CTBS: variants seen among roughly 807,000 people sequenced by gnomAD.
The protein encoded by CTBS is di-N-acetylchitobiase.
CTBS carries 35 observed loss-of-function variants against 44.3 expected under a neutral mutation model. The ratio of observed to expected loss-of-function variants is 0.79; its 90% CI spans 0.60 to 1.05. The LOEUF is 1.05. Among genes scored for constraint, CTBS ranks in the 50% least tolerant of loss-of-function variants. The probability of loss-of-function intolerance (pLI) is 0.00; values close to 1 mark genes in which losing one functional copy is unlikely to be tolerated. For missense variants in CTBS, 458 were observed against 475.3 expected (o/e 0.96, Z 0.34); for synonymous variants, 143 against 168.0 (o/e 0.85, Z 1.15).
chr1:84,574,000 T>C, intron 1 of CTBS: 1 of 1,390,040 alleles, frequency 7.2e-7, no homozygotes, highest in Non-Finnish European at 9.3e-7. Context: ...CAGATCTGGT[T>C]TGAACTCTCG....
intron 4 of CTBS, 108 bp from the exon 5 acceptor site, chr1:84,563,940 T>C (rs1684641957): frequency 1.6e-6 from 2 of 1,226,782 alleles, no homozygotes; most frequent in Non-Finnish European, 1.1e-6. Flanking sequence ...AGTACATTTA[T>C]AAAAAACACT....
intron 1 of CTBS, among the ~76,000 whole-genome samples, chr1:84,571,288 G>A (rs1286701082): frequency 2.0e-5 from 3 of 152,200 alleles, no homozygotes; most frequent in South Asian, 4.1e-4. Flanking sequence ...AAATTGTGGA[G>A]CAGTGGCGTT....
intron 1 of CTBS, 112 bp from the exon 2 acceptor site, chr1:84,570,832 G>T: frequency 1.9e-6 from 2 of 1,049,152 alleles, no homozygotes; most frequent in Non-Finnish European, 2.8e-6. Context: ...GGCAGTGAGA[G>T]TACAAGTGCA....
chr1:84,550,786 A>G lies in CTBS; in HGVS notation c.*4213T>C. On this transcript the variant is annotated 3_prime_UTR_variant, in exon 7 of 7. Coordinates refer to ENST00000370630, the MANE Select transcript of CTBS (RefSeq NM_004388.3). Reference sequence around the variant, plus strand: ...ACTAGGAAGAATTAAAGGAAAAGGAACCTGTGAGTCAATATATTCTCAAAA... The same window carrying G: ...ACTAGGAAGAATTAAAGGAAAAGGAGCCTGTGAGTCAATATATTCTCAAAA... 1.9e-6 allele frequency: 2 copies of G among 1,044,488 alleles called. No homozygotes were observed. Among genetic ancestry groups the G allele is most frequent in the Non-Finnish European group, 2.3e-6 (2 of 865,620 alleles). 64.7% of individuals were successfully genotyped at this position (1,044,488 alleles called of 1,614,324 possible).
chr1:84,552,064 G>A lies in CTBS; in HGVS notation c.*2935C>T, dbSNP rs1684289471. On this transcript the variant is annotated 3_prime_UTR_variant, in exon 7 of 7. Coordinates refer to ENST00000370630, the MANE Select transcript of CTBS (RefSeq NM_004388.3). ...CAAAGTTTTCAGCTTATAGGCTGGGGGGAAAAAATCCTGTATTTAACCATA... is the reference window on the plus strand; with the variant it reads ...CAAAGTTTTCAGCTTATAGGCTGGGAGGAAAAAATCCTGTATTTAACCATA... 6.6e-6 allele frequency: 1 copy of A among 152,050 alleles called. No homozygotes were observed. The highest frequency in any genetic ancestry group is 2.1e-4 in the South Asian group (1 of 4,824). The allele number at this position is 152,050 out of a possible 1,614,324, so 9.4% of individuals were successfully genotyped here. A position where few individuals can be genotyped will look rare whatever the true frequency, so the allele number is the denominator to read the frequency against.
chr1:84,563,286 C>G lies in CTBS; in HGVS notation c.928G>C (p.Asp310His), dbSNP rs3768249. 1.9e-6 allele frequency: 3 copies of G among 1,576,578 alleles called. No homozygotes were observed. In the East Asian group the frequency reaches 7.1e-5, roughly 37 times the overall value. Reference protein sequence around the residue: ...SSISGNLWDKDQRAPYYNYKD... With the variant: ...SSISGNLWDKHQRAPYYNYKD... Reference sequence around the variant, plus strand: ...TAGTTATAATAAGGAGCCCGCTGATCTTTATCCCATAGGTTTCCAGAAATA... The same window carrying G: ...TAGTTATAATAAGGAGCCCGCTGATGTTTATCCCATAGGTTTCCAGAAATA... The change falls in exon 6 of 7, where the codon GAT becomes CAT. Residue 310 changes from aspartate (D) to histidine (H), a missense_variant. By Grantham distance (81) the Asp-to-His change is moderately conservative (BLOSUM62 -1). Transcript: ENST00000370630.
At chr1:84,560,614 C>T (rs1684576144) in intron 6 of CTBS, among the ~76,000 whole-genome samples, 1 of 152,134 alleles carries the variant, frequency 6.6e-6, no homozygotes, top group Non-Finnish European at 1.5e-5. Flanking sequence ...GAAGATGATG[C>T]CATTTAAGAC....
At chr1:84,558,569 G>A (rs1684521995) in intron 6 of CTBS, among the ~76,000 whole-genome samples, 1 of 150,484 alleles carries the variant, frequency 6.6e-6, no homozygotes, top group Non-Finnish European at 1.5e-5. Context: ...GGGATTACAG[G>A]CGTGAGCCAC....
In CTBS at chr1:84,563,725, C is replaced by T. The variant is rs372080257; in HGVS notation, c.795+10G>A. 1.3e-6 allele frequency: 2 copies of T among 1,491,176 alleles called. No homozygotes were observed. Among genetic ancestry groups the T allele is most frequent in the African/African-American group, 1.4e-5 (1 of 70,678 alleles). The allele number at this position is 1,491,176 out of a possible 1,614,324, so 92.4% of individuals were successfully genotyped here. A position where few individuals can be genotyped will look rare whatever the true frequency, so the allele number is the denominator to read the frequency against. On this transcript the variant is annotated intron_variant, in intron 5 of 6. Coordinates refer to ENST00000370630, the MANE Select transcript of CTBS (RefSeq NM_004388.3). ...ATAATAAAAATTATGTAACAAATGA[C>T]TGTTCCTACCTCAGACAGATTCAGG...
At chr1:84,570,279 A>C in intron 2 of CTBS, 140 bp from the exon 3 acceptor site, 1 of 709,270 alleles carries the variant, frequency 1.4e-6, no homozygotes, top group South Asian at 1.9e-5. Context: ...GAATCTCCAA[A>C]ATAACCATTA....
In CTBS at chr1:84,574,440, T is replaced by A. The variant is rs539036514; in HGVS notation, c.-25A>T. 50 of 1,473,048 alleles carry A rather than the reference T, an allele frequency of 3.4e-5. 2 individuals are homozygous for A. The Admixed American group carries it at 8.1e-4, about 24-fold the overall frequency. The allele number at this position is 1,473,048 out of a possible 1,614,324, so 91.2% of individuals were successfully genotyped here. On this transcript the variant is annotated 5_prime_UTR_variant, in exon 1 of 7. Coordinates refer to ENST00000370630, the MANE Select transcript of CTBS (RefSeq NM_004388.3). ...TAGCAGCAGGTCTAGCGGGCCGGAG[T>A]GGGTTCCTACCGCCTGGGTGGGCGG...
Position 84,551,714 on chromosome 1 carries a change from A to G in CTBS, c.*3285T>C, listed in dbSNP as rs1228405871. The G allele has an allele frequency of 3.3e-5, 5 of 152,180 alleles. No homozygotes were observed. Among genetic ancestry groups the G allele is most frequent in the African/African-American group, 4.8e-5 (2 of 41,460 alleles). 9.4% of individuals were successfully genotyped at this position (152,180 alleles called of 1,614,324 possible). A position where few individuals can be genotyped will look rare whatever the true frequency, so the allele number is the denominator to read the frequency against. Reference sequence around the variant, plus strand: ...AAATAGAAAAGGAAAAGAGCAGAGGATAATTTTTAACAAAATATCAGTTAA... The same window carrying G: ...AAATAGAAAAGGAAAAGAGCAGAGGGTAATTTTTAACAAAATATCAGTTAA... On this transcript the variant is annotated 3_prime_UTR_variant, in exon 7 of 7. Coordinates refer to ENST00000370630, the MANE Select transcript of CTBS (RefSeq NM_004388.3).
intron 1 of CTBS, among the ~76,000 whole-genome samples, chr1:84,572,807 T>C (rs2945159): frequency 0.018 from 2,711 of 152,044 alleles, 73 homozygotes; most frequent in African/African-American, 0.06. Flanking sequence ...GCCTCCCAAG[T>C]AGTTCGGATT....
intron 3 of CTBS, among the ~76,000 whole-genome samples, chr1:84,568,872 T>C (rs1647212740): frequency 6.6e-6 from 1 of 152,126 alleles, no homozygotes; most frequent in Non-Finnish European, 1.5e-5. Context: ...ACTGTAAGTT[T>C]TCCTGAGGCC....
intron 3 of CTBS, 53 bp downstream of exon 3, chr1:84,569,878 G>C (rs1365246744): frequency 2.2e-6 from 3 of 1,377,278 alleles, no homozygotes; most frequent in African/African-American, 2.9e-5. Context: ...ACCCTCATGA[G>C]TATATTCTGA....
rs1647254320 is a variant in CTBS, at chr1:84,570,071, AAT to A, written c.383_384del (p.Asn128IlefsTer11). 7 of 1,613,746 alleles carry A rather than the reference AAT, an allele frequency of 4.3e-6. No individual in the cohort carries two copies. The highest frequency in any genetic ancestry group is 5.9e-6 in the Non-Finnish European group (7 of 1,179,846). On this transcript the variant is annotated frameshift_variant, in exon 3 of 7. Transcript: ENST00000370630. LOFTEE classifies it high-confidence loss of function. ...FRASWIAQKL[N>X]LAKTQYMDGI... ...CCATCCATATATTGTGTTTTGGCCA[AAT>A]TAAGTTTTTGAGCTATCCAGGATGC... is the stretch of plus-strand genomic sequence containing the variant.
chr1:84,561,041 TATTA>T (rs751851685), intron 6 of CTBS, among the ~76,000 whole-genome samples: 7 of 152,212 alleles, frequency 4.6e-5, no homozygotes, highest in Non-Finnish European at 7.3e-5. Flanking sequence ...TTTTAACTCT[TATTA>T]ATTAAGAAAT....
rs771709818 is a variant in CTBS at position 84,574,380 on chromosome 1, G to C, written c.36C>G (p.Val12=). Residue 12 remains valine, a synonymous_variant, in exon 1 of 7, where the codon GTC becomes GTG. Transcript: ENST00000370630. ...SRPQLRRWRL[V]SSPPSGVPGL... ...CCGGGACGCCGCTCGGCGGGCTAGA[G>C]ACGAGGCGCCAGCGTCGAAGCTGCG... is the stretch of plus-strand genomic sequence containing the variant. 1 of 1,564,008 alleles carries C rather than the reference G, an allele frequency of 6.4e-7. No individual in the cohort carries two copies. Among genetic ancestry groups the C allele is most frequent in the East Asian group, 2.4e-5 (1 of 42,166 alleles).
rs376225614 is a variant in CTBS at position 84,558,538 on chromosome 1, G to A, written c.958-3339C>T. ...GATCTCCTGACCTCGTGATCCGCCCGCCTCAGCCTCCCAAAGTGCTGGGAT... is the reference window on the plus strand; with the variant it reads ...GATCTCCTGACCTCGTGATCCGCCCACCTCAGCCTCCCAAAGTGCTGGGAT... On this transcript the variant is annotated intron_variant, in intron 6 of 6. Transcript: ENST00000370630. 2.1e-4 allele frequency among the ~76,000 whole-genome samples: 32 copies of A among 150,790 alleles called. No homozygotes were observed. The East Asian group carries it at 3.0e-3, about 14-fold the overall frequency.
Sources: gnomAD v4.1 joint callset for allele counts (sites outside exome capture counted in the v4.1 genomes callset) on GRCh38, gnomAD v4.1.1 for gene constraint, MANE v1.5 for transcripts, NCBI Gene and HGNC (gene_info 2026-07-23, HGNC 2026-07-21) for gene names.